Variants in WDPCP observed in about 807,000 individuals in gnomAD.
The protein encoded by WDPCP is WD repeat-containing and planar cell polarity effector protein fritz homolog.
Under a neutral mutation model 93.1 loss-of-function variants are expected in WDPCP, and 71 were observed. The observed-to-expected ratio is 0.76, with a 90% confidence interval of 0.63 to 0.93. WDPCP has a LOEUF of 0.93. Among genes scored for constraint, WDPCP ranks in the 40% least tolerant of loss-of-function variants. WDPCP has a pLI of 0.00. For synonymous variants in WDPCP, 315 were observed against 315.0 expected (o/e 1.00, Z 0.00); for missense variants, 844 against 887.4 (o/e 0.95, Z 0.62).
chr2:63,293,062 GCAGGGCACC>G (rs1342061153), intron 13 of WDPCP, among the ~76,000 whole-genome samples: 1 of 152,136 alleles, frequency 6.6e-6, no homozygotes, highest in Non-Finnish European at 1.5e-5. Context: ...AGACAGGGAG[GCAGGGCACC>G]TGACCCCTCA....
chr2:63,388,740 T>G (rs1692957604), intron 10 of WDPCP, among the ~76,000 whole-genome samples: 1 of 152,278 alleles, frequency 6.6e-6, no homozygotes, highest in East Asian at 1.9e-4. Context: ...GCACGAGAAC[T>G]TTGTGATGCA....
In WDPCP at chr2:63,732,911, T is replaced by C. The variant is rs190802833; in HGVS notation, n.308+80711A>G. 1.9e-3 allele frequency among the ~76,000 whole-genome samples: 284 copies of C among 152,166 alleles called. 1 individual carries two copies. Among genetic ancestry groups the C allele is most frequent in the Non-Finnish European group, 1.2e-3 (83 of 68,004 alleles). On this transcript the variant is annotated intron_variant and non_coding_transcript_variant, in intron 2 of 4. Coordinates refer to the WDPCP transcript ENST00000467687. ...GCAGAAACATGAAGAACTACAGATA[T>C]GTAAAAAGTCAGGAGAATTGGACAT... is the stretch of plus-strand genomic sequence containing the variant.
intron 14 of WDPCP, among the ~76,000 whole-genome samples, chr2:63,201,503 C>A (rs1335892895): frequency 1.3e-5 from 2 of 152,132 alleles, no homozygotes; most frequent in Non-Finnish European, 2.9e-5. Context: ...TGAGAATGAT[C>A]TGCAGTACAA....
chr2:63,477,322 T>G (rs1700025451), intron 6 of WDPCP, among the ~76,000 whole-genome samples: 1 of 152,114 alleles, frequency 6.6e-6, no homozygotes. Context: ...GAAATGATTT[T>G]AGGAGACAAA....
At chr2:63,687,043 A>G (rs1668814847) in intron 2 of WDPCP, among the ~76,000 whole-genome samples, 1 of 152,228 alleles carries the variant, frequency 6.6e-6, no homozygotes, top group Non-Finnish European at 1.5e-5. Flanking sequence ...GACCACACAT[A>G]AAATACACTA....
At chr2:63,233,224 G>T (rs955007206) in intron 14 of WDPCP, 1 of 157,118 alleles carries the variant, frequency 6.4e-6, no homozygotes, top group African/African-American at 2.4e-5. Flanking sequence ...ATGTCTTAGG[G>T]TAGGGACAAT....
chr2:63,820,530 C>T (rs184035196), intron 1 of WDPCP, among the ~76,000 whole-genome samples: 17 of 152,272 alleles, frequency 1.1e-4, no homozygotes, highest in African/African-American at 3.6e-4. Flanking sequence ...TGTACTTTGG[C>T]AGACAGTCTT....
At chr2:63,144,967 T>C (rs1319626786) in intron 17 of WDPCP, among the ~76,000 whole-genome samples, 1 of 152,190 alleles carries the variant, frequency 6.6e-6, no homozygotes, top group African/African-American at 2.4e-5. Flanking sequence ...TGTAGTACTC[T>C]CCCCCTTTTC....
At chr2:63,700,455 G>A (rs2103703639) in intron 2 of WDPCP, among the ~76,000 whole-genome samples, 1 of 152,228 alleles carries the variant, frequency 6.6e-6, no homozygotes, top group African/African-American at 2.4e-5. Context: ...GACATGGTGA[G>A]TGAGAGAGGA....
At chr2:63,793,806 T>G (rs1016280436) in intron 2 of WDPCP, among the ~76,000 whole-genome samples, 10 of 151,984 alleles carry the variant, frequency 6.6e-5, no homozygotes, top group African/African-American at 2.4e-4. Flanking sequence ...TCTATAAATA[T>G]TATTGACAAT....
chr2:63,149,727 TAAC>T (rs1176843069), intron 17 of WDPCP, among the ~76,000 whole-genome samples: 2 of 152,304 alleles, frequency 1.3e-5, no homozygotes, highest in Non-Finnish European at 2.9e-5. Context: ...AAAAAGTAAG[TAAC>T]AAGAAGAATG....
rs3752740 is a variant in WDPCP at position 63,594,739 on chromosome 2, G to C, written n.488+55920C>G. On this transcript the variant is annotated intron_variant and non_coding_transcript_variant, in intron 3 of 4. Coordinates refer to the WDPCP transcript ENST00000467687. ...CATTGCTATAAATGGAAGCTACTAA[G>C]GTATTTATATGTACGCCTCCAGGCA... 1.7e-4 allele frequency: 102 copies of C among 595,774 alleles called. No individual in the cohort carries two copies. In the East Asian group the frequency reaches 3.0e-3, roughly 18 times the overall value. 36.9% of individuals were successfully genotyped at this position (595,774 alleles called of 1,614,324 possible).
chr2:63,510,816 AC>A (rs1702184566), intron 1 of WDPCP, among the ~76,000 whole-genome samples: 1 of 152,090 alleles, frequency 6.6e-6, no homozygotes, highest in African/African-American at 2.4e-5. Flanking sequence ...ACTAAAAAAT[AC>A]CAAAAAAAAT....
intron 3 of WDPCP, chr2:63,597,869 G>A (rs1709347825): frequency 5.2e-6 from 1 of 192,030 alleles, no homozygotes; most frequent in Admixed American, 6.1e-5. Flanking sequence ...CATTTTTGCT[G>A]CGTGGGAATA....
chr2:63,161,506 AT>A (rs1217223456), intron 15 of WDPCP, among the ~76,000 whole-genome samples: 2 of 152,198 alleles, frequency 1.3e-5, no homozygotes, highest in Non-Finnish European at 2.9e-5. Flanking sequence ...ATATTTCATG[AT>A]TTTGAAACAC....
upstream of WDPCP, chr2:63,593,308 G>T: frequency 3.7e-6 from 1 of 272,508 alleles, no homozygotes; most frequent in South Asian, 4.0e-5. Flanking sequence ...TGGTCAGGCT[G>T]GTCTCAAACT....
chr2:63,832,673 C>CATGT (rs1453057150), upstream of WDPCP, among the ~76,000 whole-genome samples: 4 of 152,152 alleles, frequency 2.6e-5, no homozygotes, highest in African/African-American at 9.7e-5. Flanking sequence ...CAGTACTCTA[C>CATGT]AGTTTTTAAA....
At chr2:63,711,268 T>A (rs1258029296) in intron 2 of WDPCP, among the ~76,000 whole-genome samples, 1 of 151,874 alleles carries the variant, frequency 6.6e-6, no homozygotes, top group Non-Finnish European at 1.5e-5. Context: ...AGAGGAAGCA[T>A]GGGAGAGCTC....
chr2:63,595,438 C>A (rs1709290399), intron 3 of WDPCP: 3 of 1,608,786 alleles, frequency 1.9e-6, no homozygotes, highest in Non-Finnish European at 2.6e-6. Context: ...AATTCTTGTG[C>A]TGTTGGATAT....
Sources: allele counts gnomAD v4.1 joint callset (sites outside exome capture counted in the v4.1 genomes callset), GRCh38; gene constraint gnomAD v4.1.1; transcripts MANE v1.5; gene names NCBI Gene and HGNC (gene_info 2026-07-23, HGNC 2026-07-21).